Variants in GALNS observed in about 807,000 individuals in gnomAD.
GALNS encodes the protein N-acetylgalactosamine-6-sulfatase.
Under a neutral mutation model 65.9 loss-of-function variants are expected in GALNS, and 65 were observed. The observed-to-expected ratio is 0.99, with a 90% CI of 0.81 to 1.21. GALNS has a LOEUF of 1.21. GALNS is among the 50% of genes most tolerant of loss of function. The pLI is 0.00. For missense variants in GALNS, 776 were observed against 700.7 expected (o/e 1.11, Z -1.21); for synonymous variants, 346 against 288.9 (o/e 1.20, Z -2.00).
In GALNS at chr16:88,815,407, A is replaced by T; in HGVS notation, c.1483-882T>A. On this transcript the variant is annotated intron_variant, in intron 13 of 13. Transcript: ENST00000268695. The stretch of plus-strand genomic sequence containing the variant: ...CTTTCCCAGGGAGAAGCCAGTCCCT[A>T]CTGCGCTGCTGGGCTCAGTTCAGTG... 4.1e-6 allele frequency: 4 copies of T among 985,430 alleles called. No homozygotes were observed. In the South Asian group the frequency reaches 1.9e-4, roughly 46 times the overall value. The allele number at this position is 985,430 out of a possible 1,614,324, so 61.0% of individuals were successfully genotyped here.
intron 13 of GALNS, chr16:88,816,604 C>A (rs1384390071): frequency 1.0e-6 from 1 of 984,154 alleles, no homozygotes; most frequent in Non-Finnish European, 1.2e-6. Context: ...TGGGCAGGGA[C>A]AAGGCCATCT....
intron 9 of GALNS, 68 bp downstream of exon 9, chr16:88,831,930 G>T: frequency 7.3e-7 from 1 of 1,360,804 alleles, no homozygotes; most frequent in Non-Finnish European, 1.0e-6. Flanking sequence ...CCAGTGAGGG[G>T]CGCACACACC....
chr16:88,815,710 A>G (rs1909551344), intron 13 of GALNS: 2 of 985,460 alleles, frequency 2.0e-6, no homozygotes, highest in African/African-American at 1.7e-5. Context: ...CAGGGTACTA[A>G]GGACAGTCTC....
Position 88,817,995 on chromosome 16 carries a change from C to T in GALNS, c.1482+12G>A. 3.8e-6 allele frequency: 6 copies of T among 1,569,212 alleles called. No individual in the cohort carries two copies. The highest frequency in any genetic ancestry group is 2.3e-5 in the East Asian group (1 of 42,620). On this transcript the variant is annotated intron_variant, in intron 13 of 13. Coordinates refer to ENST00000268695, the MANE Select transcript of GALNS (RefSeq NM_000512.5). ...CGGCAAAGAGACGGCCGCCCACACA[C>T]CAGCCACTTACCATGACCGCCCAGT... is the stretch of plus-strand genomic sequence containing the variant.
intron 11 of GALNS, 63 bp downstream of exon 11, chr16:88,824,704 A>T: frequency 7.2e-7 from 1 of 1,396,152 alleles, no homozygotes; most frequent in Non-Finnish European, 1.0e-6. Flanking sequence ...GACGGTGCTC[A>T]GGGGCCACGT....
Position 88,818,102 on chromosome 16 carries a change from C to G in GALNS, c.1387G>C (p.Glu463Gln). 1 of 1,573,370 alleles carries G rather than the reference C, an allele frequency of 6.4e-7. No homozygotes were observed. The highest frequency in any genetic ancestry group is 1.2e-5 in the South Asian group (1 of 86,446). ...ACCGAGGTGATCCTGCTGAGGGCCTCCTGGTACTCGGCGCTGGCAAAGCTG... is the reference window on the plus strand; with the variant it reads ...ACCGAGGTGATCCTGCTGAGGGCCTGCTGGTACTCGGCGCTGGCAAAGCTG... The part of the protein sequence containing the change: ...PLSFASAEYQ[E>Q]ALSRITSVVQ... Residue 463 changes from glutamate to glutamine, a missense_variant, in exon 13 of 14, where the codon GAG becomes CAG. Transcript: ENST00000268695.
rs1597579601 is a variant in GALNS, at chr16:88,840,767, G to A, written c.422+225C>T. 1.5e-5 allele frequency: 9 copies of A among 584,146 alleles called. No individual in the cohort carries two copies. The East Asian group carries it at 2.4e-4, about 15-fold the overall frequency. The allele number at this position is 584,146 out of a possible 1,614,324, so 36.2% of individuals were successfully genotyped here. A position where few individuals can be genotyped will look rare whatever the true frequency, so the allele number is the denominator to read the frequency against. ...CAGGCCTGCGGAGTCTGATGCCGCA[G>A]GATACTCGCGGCCGTGGGACCAGCC... On this transcript the variant is annotated intron_variant, in intron 4 of 13. Coordinates refer to ENST00000268695, the MANE Select transcript of GALNS (RefSeq NM_000512.5).
chr16:88,840,920 C>A (rs1225911638), intron 4 of GALNS, 72 bp downstream of exon 4: 1 of 1,200,352 alleles, frequency 8.3e-7, no homozygotes, highest in Non-Finnish European at 1.2e-6. Flanking sequence ...AACTTGTGGC[C>A]ATGTCCCTTG....
At chr16:88,842,411 C>T (rs976044104) in intron 2 of GALNS, 2 of 538,914 alleles carry the variant, frequency 3.7e-6, no homozygotes, top group Non-Finnish European at 6.7e-6. Flanking sequence ...GAGACGGAGC[C>T]ACACTGCAGC....
intron 13 of GALNS, 71 bp downstream of exon 13, chr16:88,817,935 GT>G: frequency 7.8e-7 from 1 of 1,280,414 alleles, no homozygotes; most frequent in Non-Finnish European, 1.1e-6. Flanking sequence ...GCTGGCCACG[GT>G]TCATCCTGGG....
intron 13 of GALNS, 33 bp downstream of exon 13, chr16:88,817,974 A>G: frequency 6.5e-7 from 1 of 1,530,880 alleles, no homozygotes; most frequent in Non-Finnish European, 8.8e-7. Flanking sequence ...CAGCCCCGGC[A>G]AAGAGACGGC....
rs934286698 is a variant in GALNS, at chr16:88,814,313, C to G, written c.*126G>C. On this transcript the variant is annotated 3_prime_UTR_variant, in exon 14 of 14. Coordinates refer to ENST00000268695, the MANE Select transcript of GALNS (RefSeq NM_000512.5). ...CAGGTGGAATTGTGCAGTCCCCCTGCGTCTGCAGGTGCTGTCTGTCTGGCT... is the reference window on the plus strand; with the variant it reads ...CAGGTGGAATTGTGCAGTCCCCCTGGGTCTGCAGGTGCTGTCTGTCTGGCT... The G allele has an allele frequency of 2.4e-6, 3 of 1,253,650 alleles. No individual in the cohort carries two copies. Among genetic ancestry groups the G allele is most frequent in the Non-Finnish European group, 3.4e-6 (3 of 880,354 alleles). 77.7% of individuals were successfully genotyped at this position (1,253,650 alleles called of 1,614,324 possible).
chr16:88,814,605 T>G, intron 13 of GALNS, 80 bp from the exon 14 acceptor site: 1 of 1,545,202 alleles, frequency 6.5e-7, no homozygotes, highest in Non-Finnish European at 8.7e-7. Context: ...ATTTTGTTGT[T>G]GCTGTTCTGA....
chr16:88,818,889 C>T (rs943791679), intron 12 of GALNS, among the ~76,000 whole-genome samples: 1 of 152,224 alleles, frequency 6.6e-6, no homozygotes, highest in Non-Finnish European at 1.5e-5. Flanking sequence ...AATGCCCAGG[C>T]TGGGAGCTGC....
At chr16:88,824,479 G>A (rs1910593059) in intron 11 of GALNS, among the ~76,000 whole-genome samples, 2 of 152,190 alleles carry the variant, frequency 1.3e-5, no homozygotes, top group South Asian at 2.1e-4. Context: ...GCAGGATGGA[G>A]AGGCCCATGG....
intron 13 of GALNS, chr16:88,816,372 G>A (rs2142976077): frequency 2.0e-6 from 2 of 985,412 alleles, no homozygotes; most frequent in South Asian, 9.4e-5. Flanking sequence ...TGGTGGCCCT[G>A]GGCTCCTGGG....
At chr16:88,832,244 TC>T in intron 8 of GALNS, 143 bp from the exon 9 acceptor site, 1 of 764,760 alleles carries the variant, frequency 1.3e-6, no homozygotes, top group South Asian at 1.5e-5. Flanking sequence ...GATCCGAGCC[TC>T]GGGGTGGCTC....
chr16:88,849,499 C>G (rs1224836067), intron 1 of GALNS, among the ~76,000 whole-genome samples: 1 of 152,184 alleles, frequency 6.6e-6, no homozygotes, highest in Non-Finnish European at 1.5e-5. Context: ...GTTGGCCAGG[C>G]TGGTCTTGAA....
At chr16:88,829,137 G>A (rs979528104) in intron 9 of GALNS, among the ~76,000 whole-genome samples, 1 of 151,120 alleles carries the variant, frequency 6.6e-6, no homozygotes, top group Admixed American at 6.6e-5. Flanking sequence ...CCAGAGCTAC[G>A]CGGGTCCCGA....
Sources: allele counts gnomAD v4.1 joint callset (sites outside exome capture counted in the v4.1 genomes callset), GRCh38; gene constraint gnomAD v4.1.1; transcripts MANE v1.5; gene names NCBI Gene and HGNC (gene_info 2026-07-23, HGNC 2026-07-21).